Variants in RASSF2 observed in about 807,000 individuals in gnomAD.
The protein encoded by RASSF2 is ras association domain-containing protein 2.
Under a neutral mutation model 46.3 loss-of-function variants are expected in RASSF2, and 34 were observed. That is an observed-to-expected ratio of 0.73 (90% confidence interval 0.56 to 0.98). RASSF2 has a LOEUF of 0.98. RASSF2 is among the 50% of genes least tolerant of loss of function. The probability of loss-of-function intolerance (pLI) is 0.00; values close to 1 mark genes in which losing one functional copy is unlikely to be tolerated. For missense variants in RASSF2, 364 were observed against 431.2 expected, an observed-to-expected ratio of 0.84 and a Z score of 1.38; for synonymous variants, 158 against 162.5, an observed-to-expected ratio of 0.97 and a Z score of 0.21.
chr20:4,807,765 T>G (rs769142760), intron 2 of RASSF2, among the ~76,000 whole-genome samples: 2 of 152,242 alleles, frequency 1.3e-5, no homozygotes, highest in Admixed American at 1.3e-4. Flanking sequence ...TTTCTTACTT[T>G]GACATTTCTT....
At chr20:4,787,829 A>AAAGGACT (rs1555788867) in intron 9 of RASSF2, 75 bp from the exon 10 acceptor site, 2 of 1,588,102 alleles carry the variant, frequency 1.3e-6, no homozygotes, top group African/African-American at 2.7e-5. Context: ...CAGGGGTCCA[A>AAAGGACT]AGGCACCTTA....
chr20:4,795,475 G>C lies in RASSF2; in HGVS notation c.287+340C>G, dbSNP rs1926257509. On this transcript the variant is annotated intron_variant, in intron 5 of 11. Coordinates refer to ENST00000379400, the MANE Select transcript of RASSF2 (RefSeq NM_014737.3). This position sits in a 1 kb window ranked among gnomAD's most constrained non-coding sequence, Gnocchi z 4.0. Reference sequence around the variant, plus strand: ...TGCTGGGGCATGGGGCGCCCTGTTAGAAATATACAGGCTGGGCCTCACTAG... The same window carrying C: ...TGCTGGGGCATGGGGCGCCCTGTTACAAATATACAGGCTGGGCCTCACTAG... 1 of 204,184 alleles carries C rather than the reference G, an allele frequency of 4.9e-6. No individual in the cohort carries two copies. The highest frequency in any genetic ancestry group is 1.3e-4 in the South Asian group (1 of 7,428). 12.6% of individuals were successfully genotyped at this position (204,184 alleles called of 1,614,324 possible). A position where few individuals can be genotyped will look rare whatever the true frequency, so the allele number is the denominator to read the frequency against.
intron 2 of RASSF2, among the ~76,000 whole-genome samples, chr20:4,818,449 T>C (rs950684664): frequency 6.6e-6 from 1 of 152,178 alleles, no homozygotes; most frequent in African/African-American, 2.4e-5. Flanking sequence ...TGGGGTCACA[T>C]GCTGACTTAG....
chr20:4,802,115 G>A (rs1926921036), intron 2 of RASSF2, among the ~76,000 whole-genome samples: 1 of 150,580 alleles, frequency 6.6e-6, no homozygotes, highest in Non-Finnish European at 1.5e-5. Flanking sequence ...TTGTCACCTG[G>A]GCTGGGAGTG....
chr20:4,794,117 CA>C (rs923498950), intron 5 of RASSF2, among the ~76,000 whole-genome samples: 2 of 152,130 alleles, frequency 1.3e-5, no homozygotes, highest in African/African-American at 2.4e-5. Flanking sequence ...TATAGTATAA[CA>C]AATACAGTAC....
intron 4 of RASSF2, among the ~76,000 whole-genome samples, chr20:4,797,463 G>C (rs1331343530): frequency 6.6e-6 from 1 of 152,194 alleles, no homozygotes; most frequent in East Asian, 1.9e-4. Context: ...TCTGATAACA[G>C]GCTTTAGAGA....
chr20:4,786,159 G>A lies in RASSF2; in HGVS notation c.911+72C>T, dbSNP rs912127097. 12 of 1,261,344 alleles carry A rather than the reference G, an allele frequency of 9.5e-6. No homozygotes were observed. In the African/African-American group the frequency reaches 1.0e-4, roughly 11 times the overall value. 78.1% of individuals were successfully genotyped at this position (1,261,344 alleles called of 1,614,324 possible). A position where few individuals can be genotyped will look rare whatever the true frequency, so the allele number is the denominator to read the frequency against. On this transcript the variant is annotated intron_variant, in intron 11 of 11. Coordinates refer to ENST00000379400, the MANE Select transcript of RASSF2 (RefSeq NM_014737.3). Reference sequence around the variant, plus strand: ...TGCAGCAGCTCAGCACAGTCCCTGCGAGGACCCAGCAGAGGCCCCTCTGTT... The same window carrying A: ...TGCAGCAGCTCAGCACAGTCCCTGCAAGGACCCAGCAGAGGCCCCTCTGTT...
rs563287097 is a variant in RASSF2 at position 4,784,365 on chromosome 20, G to A, written c.912-23C>T. 3 of 1,609,162 alleles carry A rather than the reference G, an allele frequency of 1.9e-6. No homozygotes were observed. The East Asian group carries it at 6.7e-5, about 36-fold the overall frequency. ...TACCTGGAGACAAGAAACAGGCTCA[G>A]ATGGAGAGCAGCCAGCAACACACCC... On this transcript the variant is annotated intron_variant, in intron 11 of 11. Coordinates refer to ENST00000379400, the MANE Select transcript of RASSF2 (RefSeq NM_014737.3).
At chr20:4,819,562 C>T (rs900116666) in intron 2 of RASSF2, among the ~76,000 whole-genome samples, 3 of 152,158 alleles carry the variant, frequency 2.0e-5, no homozygotes, top group African/African-American at 7.2e-5. Flanking sequence ...CTTCTCCCAT[C>T]AGTCATTGGT....
chr20:4,787,870 A>T, intron 9 of RASSF2, 116 bp from the exon 10 acceptor site: 1 of 1,313,718 alleles, frequency 7.6e-7, no homozygotes, highest in Non-Finnish European at 1.1e-6. Flanking sequence ...CAGGAGACTG[A>T]TTTATAAGTG....
intron 2 of RASSF2, among the ~76,000 whole-genome samples, chr20:4,815,536 G>A (rs146993401): frequency 1.2e-3 from 182 of 152,282 alleles, no homozygotes; most frequent in African/African-American, 3.2e-3. Context: ...CAAGCGTTGG[G>A]CACACACAAA....
chr20:4,800,478 C>T (rs569745697), intron 3 of RASSF2, among the ~76,000 whole-genome samples: 41 of 152,314 alleles, frequency 2.7e-4, no homozygotes, highest in African/African-American at 9.4e-4. Flanking sequence ...CAGCCCTATC[C>T]TCACAGACAG....
In RASSF2 at chr20:4,787,752, T is replaced by C. The variant is rs1017300805; in HGVS notation, c.694A>G (p.Lys232Glu). 3.7e-6 allele frequency: 6 copies of C among 1,613,978 alleles called. No homozygotes were observed. In the African/African-American group the frequency reaches 8.0e-5, roughly 22 times the overall value. The change falls in exon 10 of 12, where the codon AAA becomes GAA. Residue 232 changes from lysine (K) to glutamate (E), a missense_variant and splice_region_variant. Physicochemically the swap from Lys to Glu is moderately conservative, Grantham distance 56 (BLOSUM62 1). Transcript: ENST00000379400. ...ALYVVHTSGE[K>E]QKLKATDYPL... The stretch of plus-strand genomic sequence containing the variant: ...TAATCGGTGGCCTTCAGCTTCTGTT[T>C]CTCTGCAACCACACACACCCAGGAG...
rs1601074790 is a variant in RASSF2, at chr20:4,783,420, A to G, written c.*853T>C. The G allele has an allele frequency of 6.6e-6, 1 of 152,454 alleles. No homozygotes were observed. Among genetic ancestry groups the G allele is most frequent in the East Asian group, 1.9e-4 (1 of 5,178 alleles). 9.4% of individuals were successfully genotyped at this position (152,454 alleles called of 1,614,324 possible). A position where few individuals can be genotyped will look rare whatever the true frequency, so the allele number is the denominator to read the frequency against. ...TTTGTTTCTTGAGACATTTCCTTCC[A>G]CTCAAGGAAGCGCCATAGAGACAGG... On this transcript the variant is annotated 3_prime_UTR_variant, in exon 12 of 12. Transcript: ENST00000379400.
chr20:4,822,031 A>G (rs955742876), intron 2 of RASSF2, among the ~76,000 whole-genome samples: 1 of 152,236 alleles, frequency 6.6e-6, no homozygotes, highest in Non-Finnish European at 1.5e-5. Context: ...ACAACCCGAT[A>G]TATCTTCGCC....
chr20:4,811,495 T>C (rs1927809370), intron 2 of RASSF2, among the ~76,000 whole-genome samples: 1 of 152,126 alleles, frequency 6.6e-6, no homozygotes, highest in Admixed American at 6.5e-5. Context: ...AGCGCCACTG[T>C]GGAACCTGGT....
rs919661504 is a variant in RASSF2 at position 4,780,181 on chromosome 20, C to T, written c.*4092G>A. The T allele has an allele frequency of 1.3e-5, 2 of 152,220 alleles. No homozygotes were observed. Among genetic ancestry groups the T allele is most frequent in the Admixed American group, 1.3e-4 (2 of 15,280 alleles). 9.4% of individuals were successfully genotyped at this position (152,220 alleles called of 1,614,324 possible). On this transcript the variant is annotated 3_prime_UTR_variant, in exon 12 of 12. Transcript: ENST00000379400. ...GTAAGTTCAGAACCAAACGTTGAAT[C>T]AAGTCATGTACCATCGCTGAAAGGC...
intron 3 of RASSF2, among the ~76,000 whole-genome samples, chr20:4,800,297 C>T (rs1926751114): frequency 6.6e-6 from 1 of 152,192 alleles, no homozygotes; most frequent in Non-Finnish European, 1.5e-5. Flanking sequence ...GAGGGACACA[C>T]TACTCCAGCC....
chr20:4,823,114 C>G (rs1157168843), intron 1 of RASSF2, among the ~76,000 whole-genome samples: 1 of 152,140 alleles, frequency 6.6e-6, no homozygotes, highest in African/African-American at 2.4e-5. Flanking sequence ...CCGGGAGCCC[C>G]GCGGCTCGGG....
Sources: gnomAD v4.1 joint callset for allele counts (sites outside exome capture counted in the v4.1 genomes callset) on GRCh38, gnomAD v4.1.1 for gene constraint, Gnocchi (gnomAD v3.1) non-coding constraint, MANE v1.5 for transcripts, NCBI Gene and HGNC (gene_info 2026-07-23, HGNC 2026-07-21) for gene names.